CYB5D1: variants seen among roughly 807,000 people sequenced by gnomAD.
CYB5D1 encodes cytochrome b5 domain-containing protein 1.
Under a neutral mutation model 24.3 loss-of-function variants are expected in CYB5D1, and 30 were observed. That is an observed-to-expected ratio of 1.23 (90% CI 0.92 to 1.67). The LOEUF is 1.67. CYB5D1 is among the 40% of genes most tolerant of loss of function. The pLI is 0.00. For synonymous variants in CYB5D1, 128 were observed against 123.2 expected, an observed-to-expected ratio of 1.04 and a Z score of -0.26; for missense variants, 265 against 296.7, an observed-to-expected ratio of 0.89 and a Z score of 0.79.
Position 7,859,795 on chromosome 17 carries a change from T to G in CYB5D1, c.*183T>G, listed in dbSNP as rs1315981843. Reference sequence around the variant, plus strand: ...TCCCTGCCTTCATTACAGTTTGCTCTGAGAAAATTAGTGAATTAATCTTTG... The same window carrying G: ...TCCCTGCCTTCATTACAGTTTGCTCGGAGAAAATTAGTGAATTAATCTTTG... On this transcript the variant is annotated 3_prime_UTR_variant, in exon 4 of 4. Coordinates refer to ENST00000332439, the MANE Select transcript of CYB5D1 (RefSeq NM_144607.6). 5.0e-6 allele frequency: 3 copies of G among 596,070 alleles called. No homozygotes were observed. In the South Asian group the frequency reaches 6.0e-5, roughly 12 times the overall value. 36.9% of individuals were successfully genotyped at this position (596,070 alleles called of 1,614,324 possible).
rs575241130 is a variant in CYB5D1 at position 7,858,332 on chromosome 17, T to A, written c.160+38T>A. The stretch of plus-strand genomic sequence containing the variant: ...CGTTGGGCCGGGGCCGGAGTGTGTG[T>A]GTGTGCACGCGCGCGTTTGCCTGGT... On this transcript the variant is annotated intron_variant, in intron 1 of 3. Coordinates refer to ENST00000332439, the MANE Select transcript of CYB5D1 (RefSeq NM_144607.6). 17 of 1,613,924 alleles carry A rather than the reference T, an allele frequency of 1.1e-5. No homozygotes were observed. In the South Asian group the frequency reaches 1.9e-4, roughly 18 times the overall value.
Position 7,858,034 on chromosome 17 carries a change from C to A in CYB5D1, c.-101C>A. ...TTCCATGTCAGCGGATAAACGCTCTCCCCTCGGCTCCCGGACGCGACGGAG... is the reference window on the plus strand; with the variant it reads ...TTCCATGTCAGCGGATAAACGCTCTACCCTCGGCTCCCGGACGCGACGGAG... On this transcript the variant is annotated 5_prime_UTR_variant, in exon 1 of 4. Coordinates refer to ENST00000332439, the MANE Select transcript of CYB5D1 (RefSeq NM_144607.6). The A allele has an allele frequency of 6.5e-7, 1 of 1,548,708 alleles. No individual in the cohort carries two copies. The highest frequency in any genetic ancestry group is 8.7e-7 in the Non-Finnish European group (1 of 1,151,628).
Position 7,861,934 on chromosome 17 carries a change from GAC to G in CYB5D1, c.*2327_*2328del, listed in dbSNP as rs1303226579. ...ACCCCTCTTTGTTCTCTATGGCCTA[GAC>G]ACACTGGCTTTCAGTTCATTACATG... On this transcript the variant is annotated 3_prime_UTR_variant, in exon 4 of 4. Transcript: ENST00000332439. 1.3e-5 allele frequency: 2 copies of G among 152,168 alleles called. No homozygotes were observed. The highest frequency in any genetic ancestry group is 4.8e-5 in the African/African-American group (2 of 41,422). The allele number at this position is 152,168 out of a possible 1,614,324, so 9.4% of individuals were successfully genotyped here.
At position 7,859,636 on chromosome 17, in the gene CYB5D1, G is replaced by A; in HGVS notation, c.*24G>A. On this transcript the variant is annotated 3_prime_UTR_variant, in exon 4 of 4. Transcript: ENST00000332439. ...AGGCAAGGAGATGTACACTCGTGTA[G>A]ACTCAAGACGTATTTCGAGTTTGGC... 1 of 1,606,148 alleles carries A rather than the reference G, an allele frequency of 6.2e-7. No individual in the cohort carries two copies. Among genetic ancestry groups the A allele is most frequent in the Non-Finnish European group, 8.5e-7 (1 of 1,173,026 alleles).
chr17:7,858,519 T>TG lies in CYB5D1; in HGVS notation c.237+42dup, dbSNP rs752621513. 27 of 1,613,692 alleles carry TG rather than the reference T, an allele frequency of 1.7e-5. No homozygotes were observed. In the South Asian group the frequency reaches 2.6e-4, roughly 16 times the overall value. On this transcript the variant is annotated intron_variant, in intron 2 of 3. Transcript: ENST00000332439. ...AACCTGGGATTGTGGGTAGAGGAAA[T>TG]GGAGAGCGGGGATGGGAAGGAAAGG...
At chr17:7,859,004 T>A (rs939646492) in intron 3 of CYB5D1, 180 bp downstream of exon 3, 1 of 590,816 alleles carries the variant, frequency 1.7e-6, no homozygotes, top group African/African-American at 1.9e-5. Context: ...TCTAGGAGTG[T>A]CTGGGTCACA....
chr17:7,858,849 G>T (rs1567813047), intron 3 of CYB5D1, 25 bp downstream of exon 3: 1 of 1,509,654 alleles, frequency 6.6e-7, no homozygotes, highest in African/African-American at 1.4e-5. Context: ...CAAGGAGCAG[G>T]TTAGAAGGAA....
chr17:7,859,183 C>A, intron 3 of CYB5D1, 199 bp from the exon 4 acceptor site: 1 of 604,838 alleles, frequency 1.7e-6, no homozygotes, highest in East Asian at 2.7e-5. Flanking sequence ...TATGGCCATC[C>A]GGTAGTTAGA....
intron 3 of CYB5D1, 89 bp from the exon 4 acceptor site, chr17:7,859,293 A>C: frequency 9.6e-7 from 1 of 1,040,448 alleles, no homozygotes; most frequent in Non-Finnish European, 1.4e-6. Flanking sequence ...TGAAGCTGCT[A>C]TCTGCCAAGG....
Position 7,859,562 on chromosome 17 carries a change from C to G in CYB5D1, c.637C>G (p.His213Asp). 1 of 1,614,164 alleles carries G rather than the reference C, an allele frequency of 6.2e-7. No individual in the cohort carries two copies. Among genetic ancestry groups the G allele is most frequent in the Non-Finnish European group, 8.5e-7 (1 of 1,180,038 alleles). Residue 213 changes from histidine to aspartate, a missense_variant, in exon 4 of 4, where the codon CAC becomes GAC. By Grantham distance (81) the His-to-Asp change is moderately conservative. Transcript: ENST00000332439. ...CTATCTCAGTATGGACGGTACACTTCACACACCTGCAATACTTCTGTACTT... is the reference window on the plus strand; with the variant it reads ...CTATCTCAGTATGGACGGTACACTTGACACACCTGCAATACTTCTGTACTT... ...FDYLSMDGTL[H>D]TPAILLYFND... is the part of the protein sequence containing the mutation.
Position 7,858,407 on chromosome 17 carries a change from C to T in CYB5D1, c.165C>T (p.Asn55=). ...LTSLAQEYKG[N]LLLKPIVEVA... is the part of the protein sequence containing the mutation. ...GGCTGTGCTGCTCTTTTCAAGGGAA[C>T]CTGCTGCTGAAACCCATCGTGGAAG... Residue 55 remains asparagine (N), a synonymous_variant, in exon 2 of 4, where the codon AAC becomes AAT. Coordinates refer to ENST00000332439, the MANE Select transcript of CYB5D1 (RefSeq NM_144607.6). The T allele has an allele frequency of 1.2e-6, 2 of 1,614,132 alleles. No individual in the cohort carries two copies. The highest frequency in any genetic ancestry group is 2.2e-5 in the East Asian group (1 of 44,888).
Position 7,860,228 on chromosome 17 carries a change from AC to A in CYB5D1, c.*617del, listed in dbSNP as rs2078873087. ...GAGTGCAGTGGCAAAATCATGGCTC[AC>A]TGCAGCCTGGAGCTCCTGGGCACAA... is the stretch of plus-strand genomic sequence containing the variant. On this transcript the variant is annotated 3_prime_UTR_variant, in exon 4 of 4. Transcript: ENST00000332439. The A allele has an allele frequency of 1.3e-5, 2 of 152,480 alleles. No homozygotes were observed. Among genetic ancestry groups the A allele is most frequent in the African/African-American group, 4.9e-5 (2 of 41,232 alleles). 9.4% of individuals were successfully genotyped at this position (152,480 alleles called of 1,614,324 possible). A position where few individuals can be genotyped will look rare whatever the true frequency, so the allele number is the denominator to read the frequency against.
At position 7,862,093 on chromosome 17, in the gene CYB5D1, G is replaced by C. The variant is rs921310830; in HGVS notation, c.*2481G>C. The C allele has an allele frequency of 6.6e-6, 1 of 152,048 alleles. No individual in the cohort carries two copies. The highest frequency in any genetic ancestry group is 1.5e-5 in the Non-Finnish European group (1 of 68,014). 9.4% of individuals were successfully genotyped at this position (152,048 alleles called of 1,614,324 possible). ...ATTTCTTGGTGGGTCAAGACTTTCT[G>C]ATAAATCAGTTAGCACCATGCATTT... is the stretch of plus-strand genomic sequence containing the variant. On this transcript the variant is annotated 3_prime_UTR_variant, in exon 4 of 4. Coordinates refer to ENST00000332439, the MANE Select transcript of CYB5D1 (RefSeq NM_144607.6).
rs1371374022 is a variant in CYB5D1 at position 7,858,145 on chromosome 17, G to A, written c.11G>A (p.Arg4Gln). ...GACAGAGCAAGAGCCATGCCGCGCC[G>A]GGGCCTGGTGGCTGGGCCAGACTTG... MPRRGLVAGPDLEY... is the reference protein window; with the variant it reads MPRQGLVAGPDLEY... Residue 4 changes from arginine (R) to glutamine (Q), a missense_variant, in exon 1 of 4, where the codon CGG becomes CAG. By Grantham distance (43) the Arg-to-Gln change is conservative. Coordinates refer to ENST00000332439, the MANE Select transcript of CYB5D1 (RefSeq NM_144607.6). The A allele has an allele frequency of 1.9e-6, 3 of 1,613,316 alleles. No homozygotes were observed. The highest frequency in any genetic ancestry group is 2.7e-5 in the African/African-American group (2 of 74,930).
chr17:7,859,149 A>G (rs1277790361), intron 3 of CYB5D1: 13 of 597,072 alleles, frequency 2.2e-5, no homozygotes, highest in Non-Finnish European at 2.4e-5. Flanking sequence ...TTGCATGGAT[A>G]TAGTGAGGGG....
rs1250089275 is a variant in CYB5D1, at chr17:7,858,593, C to A, written c.238-13C>A. 3.7e-6 allele frequency: 6 copies of A among 1,607,088 alleles called. No individual in the cohort carries two copies. Among genetic ancestry groups the A allele is most frequent in the Non-Finnish European group, 5.1e-6 (6 of 1,175,056 alleles). ...GCTGCTCTGACACCCTCGCCCCAAACCCTCCTTTAAAGATCCGCAAGCACA... is the reference window on the plus strand; with the variant it reads ...GCTGCTCTGACACCCTCGCCCCAAAACCTCCTTTAAAGATCCGCAAGCACA... On this transcript the variant is annotated splice_polypyrimidine_tract_variant and intron_variant, in intron 2 of 3. Transcript: ENST00000332439.
Position 7,858,208 on chromosome 17 carries a change from T to C in CYB5D1, c.74T>C (p.Val25Ala), listed in dbSNP as rs748698150. Residue 25 changes from valine to alanine, a missense_variant, in exon 1 of 4, where the codon GTG becomes GCG. Coordinates refer to ENST00000332439, the MANE Select transcript of CYB5D1 (RefSeq NM_144607.6). Reference protein sequence around the residue: ...FQRRYFTPAEVAQHNRPEDLW... With the variant: ...FQRRYFTPAEAAQHNRPEDLW... ...CGTCGCTATTTCACGCCGGCGGAGG[T>C]GGCCCAACATAACAGGCCCGAAGAC... 1 of 1,613,776 alleles carries C rather than the reference T, an allele frequency of 6.2e-7. No homozygotes were observed. The highest frequency in any genetic ancestry group is 8.5e-7 in the Non-Finnish European group (1 of 1,179,998).
In CYB5D1 at chr17:7,859,833, G is replaced by C; in HGVS notation, c.*221G>C. ...GAATTAATCTTTGGGAATGATACAA[G>C]AAGATCAAGTACCTTGGTTTAGGGA... On this transcript the variant is annotated 3_prime_UTR_variant, in exon 4 of 4. Transcript: ENST00000332439. The C allele has an allele frequency of 1.8e-6, 1 of 549,290 alleles. No individual in the cohort carries two copies. Among genetic ancestry groups the C allele is most frequent in the Middle Eastern group, 4.2e-4 (1 of 2,366 alleles). 34.0% of individuals were successfully genotyped at this position (549,290 alleles called of 1,614,324 possible). A position where few individuals can be genotyped will look rare whatever the true frequency, so the allele number is the denominator to read the frequency against.
intron 3 of CYB5D1, chr17:7,859,065 T>C (rs1223125912): frequency 1.8e-6 from 1 of 570,156 alleles, no homozygotes; most frequent in Non-Finnish European, 3.1e-6. Flanking sequence ...TCATGTATCT[T>C]AGTGATGGTG....
Sources: allele counts gnomAD v4.1 joint callset, GRCh38; gene constraint gnomAD v4.1.1; transcripts MANE v1.5; gene names NCBI Gene and HGNC (gene_info 2026-07-23, HGNC 2026-07-21).